STK3: variants seen among roughly 807,000 people sequenced by gnomAD.
STK3 encodes serine/threonine kinase 3.
A neutral mutation model predicts 58.0 loss-of-function variants in STK3; 41 were observed. The observed-to-expected ratio is 0.71, with a 90% CI of 0.55 to 0.92. The LOEUF is 0.92. Among genes scored for constraint, STK3 ranks in the 40% least tolerant of loss-of-function variants. The pLI, the probability that STK3 is intolerant of heterozygous loss-of-function variation, is 0.00. For missense variants in STK3, 479 were observed against 602.7 expected (o/e 0.79, Z 2.15); for synonymous variants, 170 against 191.0 (o/e 0.89, Z 0.91).
At chr8:98,583,840 A>AGT (rs1213682641) in intron 7 of STK3, among the ~76,000 whole-genome samples, 3 of 148,166 alleles carry the variant, frequency 2.0e-5, no homozygotes, top group South Asian at 4.6e-4. Context: ...TAAGAGAGAG[A>AGT]GTGTATGTGT....
intron 1 of STK3, among the ~76,000 whole-genome samples, chr8:98,923,875 G>A (rs1208603712): frequency 2.7e-5 from 4 of 147,862 alleles, no homozygotes; most frequent in South Asian, 4.3e-4. Flanking sequence ...GCGCGCGCGC[G>A]CGTTGACAAT....
Position 98,738,211 on chromosome 8 carries a change from C to T in STK3, c.351+11065G>A, listed in dbSNP as rs554666035. On this transcript the variant is annotated intron_variant, in intron 4 of 10. Coordinates refer to ENST00000419617, the MANE Select transcript of STK3 (RefSeq NM_006281.4). ...ACTTATGTGAGGCCAGACACGGTGGCTCATGCCTCTAATCTCAACACTTTA... is the reference window on the plus strand; with the variant it reads ...ACTTATGTGAGGCCAGACACGGTGGTTCATGCCTCTAATCTCAACACTTTA... Among the ~76,000 whole-genome samples the T allele has an allele frequency of 3.3e-5, 5 of 152,280 alleles. No individual in the cohort carries two copies. The South Asian group carries it at 6.2e-4, about 19-fold the overall frequency.
rs548531878 is a variant in STK3, at chr8:98,877,576, C to T, written c.110+6071G>A. On this transcript the variant is annotated intron_variant, in intron 3 of 12. Coordinates refer to the STK3 transcript ENST00000523601. Reference sequence around the variant, plus strand: ...TCGGCTCACCACAACTTCCGCCTCCCGGGTTCAAGCGATTCTCCTGCCTCA... The same window carrying T: ...TCGGCTCACCACAACTTCCGCCTCCTGGGTTCAAGCGATTCTCCTGCCTCA... Among the ~76,000 whole-genome samples the T allele has an allele frequency of 3.9e-5, 6 of 152,116 alleles. No homozygotes were observed. In the South Asian group the frequency reaches 6.2e-4, roughly 16 times the overall value.
chr8:98,725,058 G>A (rs1258582112), intron 4 of STK3, among the ~76,000 whole-genome samples: 1 of 152,112 alleles, frequency 6.6e-6, no homozygotes, highest in East Asian at 1.9e-4. Flanking sequence ...ATGTACAAAA[G>A]TTCCCTGCAG....
chr8:98,469,843 A>T (rs1456841006), intron 10 of STK3, among the ~76,000 whole-genome samples: 1 of 152,236 alleles, frequency 6.6e-6, no homozygotes, highest in Non-Finnish European at 1.5e-5. Flanking sequence ...TAACACAGCT[A>T]TGTGGCTGCT....
intron 6 of STK3, among the ~76,000 whole-genome samples, chr8:98,656,431 C>T (rs1821531835): frequency 6.6e-6 from 1 of 151,896 alleles, no homozygotes; most frequent in African/African-American, 2.4e-5. Flanking sequence ...CACGTGTATA[C>T]ATATGTAACT....
At chr8:98,717,327 A>G (rs2131160507) in intron 4 of STK3, among the ~76,000 whole-genome samples, 1 of 152,312 alleles carries the variant, frequency 6.6e-6, no homozygotes, top group Non-Finnish European at 1.5e-5. Flanking sequence ...CCTAAAACTT[A>G]ACAATAAAAA....
intron 6 of STK3, among the ~76,000 whole-genome samples, chr8:98,596,602 T>A (rs1231797622): frequency 6.6e-6 from 1 of 152,186 alleles, no homozygotes; most frequent in Non-Finnish European, 1.5e-5. Context: ...AATATTTAAG[T>A]AAAATTACTG....
downstream of STK3, chr8:98,879,508 T>A (rs1323586875): frequency 1.3e-5 from 2 of 152,208 alleles, no homozygotes; most frequent in African/African-American, 4.8e-5. Context: ...CAGTAAACTG[T>A]TATTAATACA....
At chr8:98,896,465 C>T (rs1838449798) in intron 1 of STK3, among the ~76,000 whole-genome samples, 1 of 152,196 alleles carries the variant, frequency 6.6e-6, no homozygotes, top group Non-Finnish European at 1.5e-5. Flanking sequence ...CACTTCCCAA[C>T]ACACCCACTT....
In STK3 at chr8:98,372,908, G is replaced by T. The variant is rs1213129301; in HGVS notation, n.112-1230C>A. 3.3e-5 allele frequency among the ~76,000 whole-genome samples: 5 copies of T among 152,316 alleles called. No individual in the cohort carries two copies. The South Asian group carries it at 6.2e-4, about 19-fold the overall frequency. On this transcript the variant is annotated intron_variant and non_coding_transcript_variant, in intron 2 of 2. Coordinates refer to the STK3 transcript ENST00000518704. ...AAATAACACCATGCCCTGAGGTTATGATGAGAATTGAATGAGATAATGTGC... is the reference window on the plus strand; with the variant it reads ...AAATAACACCATGCCCTGAGGTTATTATGAGAATTGAATGAGATAATGTGC...
At chr8:98,445,323 T>C (rs1305087314) in intron 1 of STK3, among the ~76,000 whole-genome samples, 3 of 152,174 alleles carry the variant, frequency 2.0e-5, no homozygotes, top group African/African-American at 7.2e-5. Flanking sequence ...CAAATAGAAA[T>C]GTCACGCAAA....
chr8:98,714,144 C>A (rs1826789796), intron 4 of STK3, among the ~76,000 whole-genome samples: 1 of 152,196 alleles, frequency 6.6e-6, no homozygotes, highest in South Asian at 2.1e-4. Context: ...ATAATAGGAG[C>A]TATCTATGAC....
At chr8:98,691,171 C>A (rs1345617346) in intron 6 of STK3, among the ~76,000 whole-genome samples, 1 of 152,044 alleles carries the variant, frequency 6.6e-6, no homozygotes, top group Admixed American at 6.6e-5. Flanking sequence ...ATGCAATATA[C>A]CCTTGTAACA....
chr8:98,413,996 G>T (rs183555535), intron 3 of STK3, among the ~76,000 whole-genome samples: 2 of 152,324 alleles, frequency 1.3e-5, no homozygotes, highest in East Asian at 3.9e-4. Context: ...AGGCCAGGTG[G>T]CTCATGCCTG....
At chr8:98,407,755 TGTGC>T (rs61595218) in intron 3 of STK3, among the ~76,000 whole-genome samples, 5,482 of 102,428 alleles carry the variant, frequency 0.054, 103 homozygotes, top group African/African-American at 0.083. Context: ...TGTGTGTGTG[TGTGC>T]GCGCGCGCGC....
intron 1 of STK3, among the ~76,000 whole-genome samples, chr8:98,933,230 G>C (rs984063682): frequency 6.6e-6 from 1 of 152,130 alleles, no homozygotes; most frequent in African/African-American, 2.4e-5. Flanking sequence ...TATCAGTTGT[G>C]TACATTACTA....
chr8:98,402,936 C>A (rs143451440), intron 3 of STK3, among the ~76,000 whole-genome samples: 2 of 152,326 alleles, frequency 1.3e-5, no homozygotes, highest in African/African-American at 2.4e-5. Context: ...AATGGGGACA[C>A]CGCAGCCCCA....
chr8:98,736,076 T>C (rs191655953), intron 4 of STK3, among the ~76,000 whole-genome samples: 13 of 151,898 alleles, frequency 8.6e-5, no homozygotes, highest in South Asian at 2.1e-4. Context: ...AATACAAATA[T>C]GAAAAGATAG....
Sources: gnomAD v4.1 joint callset for allele counts (sites outside exome capture counted in the v4.1 genomes callset) on GRCh38, gnomAD v4.1.1 for gene constraint, MANE v1.5 for transcripts, NCBI Gene and HGNC (gene_info 2026-07-23, HGNC 2026-07-21) for gene names.